The following GJB6 variants were observed in gnomAD, a reference collection of about 807,000 sequenced individuals.
GJB6 encodes gap junction beta-6 protein.
GJB6 carries 5 observed loss-of-function variants against 5.4 expected under a neutral mutation model. The ratio of observed to expected loss-of-function variants is 0.92; its 90% CI spans 0.48 to 1.93. The LOEUF is 1.93. Among genes scored for constraint, GJB6 ranks in the 30% most tolerant of loss-of-function variants. The probability of loss-of-function intolerance (pLI) is 0.01; values close to 1 mark genes in which losing one functional copy is unlikely to be tolerated. For synonymous variants in GJB6, 136 were observed against 129.6 expected, an observed-to-expected ratio of 1.05 and a Z score of -0.34; for missense variants, 298 against 326.9, an observed-to-expected ratio of 0.91 and a Z score of 0.68.
intron 4 of GJB6, among the ~76,000 whole-genome samples, chr13:20,226,773 C>T (rs1869606644): frequency 6.6e-6 from 1 of 152,174 alleles, no homozygotes; most frequent in Non-Finnish European, 1.5e-5. Flanking sequence ...GAAACACCTC[C>T]CATTGAAATT....
chr13:20,224,501 C>T (rs56976817), intron 4 of GJB6, among the ~76,000 whole-genome samples: 3,073 of 152,292 alleles, frequency 0.02, 113 homozygotes, highest in African/African-American at 0.07. Context: ...GCCTCCCCAG[C>T]GGGTCCTGTT....
rs1271696475 is a variant in GJB6 at position 20,222,851 on chromosome 13, C to T, written c.630G>A (p.Leu210=). ...AACACACTTTCAGCAGCAGGTAGCA[C>T]AACTCTGCCACGTTAAGCAGCATGC... The part of the protein sequence containing the change: ...VICMLLNVAE[L]CYLLLKVCFR... The change falls in exon 5 of 5, where the codon TTG becomes TTA. Residue 210 remains leucine, a synonymous_variant. Transcript: ENST00000647029. 7.4e-6 allele frequency: 12 copies of T among 1,614,050 alleles called. No homozygotes were observed. The East Asian group carries it at 2.5e-4, about 33-fold the overall frequency.
At chr13:20,227,161 T>G (rs901200065) in intron 4 of GJB6, among the ~76,000 whole-genome samples, 8 of 152,070 alleles carry the variant, frequency 5.3e-5, no homozygotes, top group Non-Finnish European at 2.9e-5. Context: ...CAGGGACAAT[T>G]ATAAGGGCAG....
intron 4 of GJB6, among the ~76,000 whole-genome samples, chr13:20,228,847 A>G (rs1457686815): frequency 6.6e-6 from 1 of 151,384 alleles, no homozygotes; most frequent in African/African-American, 2.4e-5. Flanking sequence ...TAAGTAAACC[A>G]TGGACTTTAC....
chr13:20,228,553 G>C (rs562847302), intron 4 of GJB6, among the ~76,000 whole-genome samples: 3 of 150,810 alleles, frequency 2.0e-5, no homozygotes, highest in Non-Finnish European at 4.4e-5. Context: ...GCACGATCTC[G>C]GCTCACTGCA....
intron 4 of GJB6, among the ~76,000 whole-genome samples, chr13:20,229,315 A>ATT (rs60451416): frequency 0.022 from 1,202 of 55,282 alleles, 48 homozygotes; most frequent in African/African-American, 0.035. Context: ...TACCTGGTTA[A>ATT]TTTTTTTTTT....
chr13:20,229,792 T>TCCCCCCCCCCCCCCCCCCCCCCC (rs56771888), intron 3 of GJB6, 43 bp from the exon 4 acceptor site: 5 of 72,816 alleles, frequency 6.9e-5, no homozygotes, highest in Non-Finnish European at 8.1e-5. Context: ...TTCCTTTAAC[T>TCCCCCCCCCCCCCCCCCCCCCCC]CCCCCCCCCC....
At chr13:20,229,792 T>TCCCCCCCCCCCCCCCCCC (rs56771888) in intron 3 of GJB6, 43 bp from the exon 4 acceptor site, 51 of 72,820 alleles carry the variant, frequency 7.0e-4, no homozygotes, top group South Asian at 1.6e-3. Flanking sequence ...TTCCTTTAAC[T>TCCCCCCCCCCCCCCCCCC]CCCCCCCCCC....
chr13:20,227,279 G>A (rs756335094), intron 4 of GJB6, among the ~76,000 whole-genome samples: 2 of 152,092 alleles, frequency 1.3e-5, no homozygotes, highest in Admixed American at 6.5e-5. Flanking sequence ...TTCACAATGC[G>A]CGCTTCTCGA....
At position 20,223,496 on chromosome 13, in the gene GJB6, C is replaced by G. The variant is rs56051256; in HGVS notation, c.-15-1G>C. On this transcript the variant is annotated splice_acceptor_variant, in intron 4 of 4. Coordinates refer to ENST00000647029, the MANE Select transcript of GJB6 (RefSeq NM_001110219.3). LOFTEE classifies it low-confidence loss of function (5UTR_SPLICE). ...CCCAATCCATTGCGCTGGTTTATCC[C>G]TAAACAGACAAAAGTGGGCAAAGGT... 30 of 1,612,746 alleles carry G rather than the reference C, an allele frequency of 1.9e-5. No homozygotes were observed. Among genetic ancestry groups the G allele is most frequent in the Non-Finnish European group, 2.5e-5 (29 of 1,178,976 alleles).
At position 20,222,894 on chromosome 13, in the gene GJB6, A is replaced by G; in HGVS notation, c.587T>C (p.Ile196Thr). The G allele has an allele frequency of 6.2e-7, 1 of 1,614,190 alleles. No homozygotes were observed. The highest frequency in any genetic ancestry group is 8.5e-7 in the Non-Finnish European group (1 of 1,180,032). The part of the protein sequence containing the change: ...TEKTVFTIFM[I>T]SASVICMLLN... The stretch of plus-strand genomic sequence containing the variant: ...CAGCATGCAAATCACAGACGCAGAA[A>G]TCATAAAAATGGTAAACACGGTCTT... Residue 196 changes from isoleucine (I) to threonine (T), a missense_variant, in exon 5 of 5, where the codon ATT (isoleucine) becomes ACT (threonine). Ile to Thr is a moderately conservative substitution (Grantham distance 89). Transcript: ENST00000647029.
At chr13:20,229,020 A>G (rs1018649264) in intron 4 of GJB6, among the ~76,000 whole-genome samples, 5 of 149,772 alleles carry the variant, frequency 3.3e-5, no homozygotes, top group South Asian at 2.1e-4. Context: ...ATGCCATTAT[A>G]ATTTCACTAA....
At chr13:20,226,148 A>G (rs1486465172) in intron 4 of GJB6, among the ~76,000 whole-genome samples, 1 of 152,160 alleles carries the variant, frequency 6.6e-6, no homozygotes, top group Non-Finnish European at 1.5e-5. Context: ...CCGAGAGAAC[A>G]GAACAAACAC....
intron 4 of GJB6, among the ~76,000 whole-genome samples, chr13:20,226,905 C>T (rs145040235): frequency 2.0e-4 from 31 of 152,284 alleles, no homozygotes; most frequent in Non-Finnish European, 2.6e-4. Flanking sequence ...TGTGTTCTCT[C>T]GGTTCTCTAG....
intron 4 of GJB6, among the ~76,000 whole-genome samples, chr13:20,225,024 C>T (rs970503300): frequency 7.2e-5 from 11 of 152,216 alleles, no homozygotes; most frequent in African/African-American, 2.7e-4. Flanking sequence ...GTGCCTTGGC[C>T]TCAGAGTGGG....
chr13:20,227,190 T>A (rs2137345334), intron 4 of GJB6, among the ~76,000 whole-genome samples: 1 of 152,298 alleles, frequency 6.6e-6, no homozygotes, highest in South Asian at 2.1e-4. Context: ...TAAATTTCTT[T>A]GGATTTTTCT....
rs1870150899 is a variant in GJB6 at position 20,232,304 on chromosome 13, G to T, written c.-530C>A. On this transcript the variant is annotated 5_prime_UTR_variant, in exon 1 of 5. Transcript: ENST00000647029. ...GCCGCCGGCTGTCGGGCTCTCGTCG[G>T]GTTTCGGGTGAAGGCCCCGGCTCCC... The T allele has an allele frequency of 6.6e-6, 1 of 152,074 alleles. No homozygotes were observed. Among genetic ancestry groups the T allele is most frequent in the African/African-American group, 2.4e-5 (1 of 41,404 alleles). The allele number at this position is 152,074 out of a possible 1,614,324, so 9.4% of individuals were successfully genotyped here. A position where few individuals can be genotyped will look rare whatever the true frequency, so the allele number is the denominator to read the frequency against.
Position 20,222,692 on chromosome 13 carries a change from T to C in GJB6, c.*3A>G. On this transcript the variant is annotated 3_prime_UTR_variant, in exon 5 of 5. Transcript: ENST00000647029. ...GACGCAGCTACATTTTACCTTGAAA[T>C]GTTTAGCTTGGGAAACCTGTGATTG... 6.2e-7 allele frequency: 1 copy of C among 1,613,762 alleles called. No individual in the cohort carries two copies. Among genetic ancestry groups the C allele is most frequent in the South Asian group, 1.1e-5 (1 of 91,072 alleles).
chr13:20,227,719 G>C (rs774296432), intron 4 of GJB6, among the ~76,000 whole-genome samples: 5 of 152,324 alleles, frequency 3.3e-5, no homozygotes, highest in African/African-American at 4.8e-5. Flanking sequence ...AGCTCCCCTC[G>C]CAAGTGTCAA....
Sources: gnomAD v4.1 joint callset for allele counts (sites outside exome capture counted in the v4.1 genomes callset) on GRCh38, gnomAD v4.1.1 for gene constraint, MANE v1.5 for transcripts, NCBI Gene and HGNC (gene_info 2026-07-23, HGNC 2026-07-21) for gene names.